Variants in TSC1 observed in about 807,000 individuals in gnomAD.
TSC1 encodes TSC complex subunit 1.
In TSC1, 20 loss-of-function variants were observed where a neutral mutation model predicts 124.3. The observed-to-expected ratio is 0.16, with a 90% CI of 0.11 to 0.23. The LOEUF is 0.23. Among genes scored for constraint, TSC1 ranks in the 10% least tolerant of loss-of-function variants. The probability of loss-of-function intolerance (pLI) is 1.00; values close to 1 mark genes in which losing one functional copy is unlikely to be tolerated. For synonymous variants in TSC1, 493 were observed against 539.1 expected (o/e 0.91, Z 1.19); for missense variants, 1,124 against 1,448.5 (o/e 0.78, Z 3.64).
In TSC1 at chr9:132,928,764, A is replaced by G. The variant is rs1847030488; in HGVS notation, c.106+3T>C. 1.2e-6 allele frequency: 2 copies of G among 1,614,096 alleles called. No homozygotes were observed. The highest frequency in any genetic ancestry group is 1.7e-6 in the Non-Finnish European group (2 of 1,180,010). ...AAGCTAAAAAGGATATTATTTTGCT[A>G]ACCAGAATTGAGGTTCTCTTTAAAG... On this transcript the variant is annotated splice_donor_region_variant and intron_variant, in intron 3 of 22. Transcript: ENST00000298552.
At position 132,923,448 on chromosome 9, in the gene TSC1, C is replaced by G. The variant is rs1416137360; in HGVS notation, c.408G>C (p.Leu136Phe). 1 of 1,614,150 alleles carries G rather than the reference C, an allele frequency of 6.2e-7. No individual in the cohort carries two copies. The highest frequency in any genetic ancestry group is 1.1e-5 in the South Asian group (1 of 91,084). The change falls in exon 6 of 23, where the codon TTG becomes TTC. Residue 136 changes from leucine to phenylalanine, a missense_variant. Leu to Phe is a conservative substitution (Grantham distance 22). This residue lies in a region of TSC1 where 463 missense variants were observed against 606.8 expected (regional missense o/e 0.76). Transcript: ENST00000298552. This position sits in a 1 kb window ranked among gnomAD's most constrained non-coding sequence, Gnocchi z 4.2. ...GTGGAATCATTGGTAGCATGGTTAT[C>G]AACACCAAGACGCCTGTTGTGAGGA... ...VVVLTTGVLV[L>F]ITMLPMIPQS... is the part of the protein sequence containing the mutation.
At chr9:132,900,683 C>A in intron 20 of TSC1, 32 bp downstream of exon 20, 1 of 1,613,336 alleles carries the variant, frequency 6.2e-7, no homozygotes, top group South Asian at 1.1e-5. Flanking sequence ...ACGCTTTCCC[C>A]ACTAAGGTCT....
chr9:132,912,247 T>C (rs377400768), intron 9 of TSC1, 35 bp downstream of exon 9: 18 of 1,611,502 alleles, frequency 1.1e-5, no homozygotes, highest in African/African-American at 6.7e-5. Flanking sequence ...AGAGACAAAG[T>C]TGCAAAACAG....
rs1184046485 is a variant in TSC1 at position 132,923,068 on chromosome 9, T to C, written c.508+280A>G. On this transcript the variant is annotated intron_variant, in intron 6 of 22. Transcript: ENST00000298552. The surrounding 1 kb of genome is among the most constrained non-coding windows in gnomAD (Gnocchi z 4.2). Reference sequence around the variant, plus strand: ...CTGCAATACAGACGGAGGCTGTTTTTCAGTTTATCAACAATCATAAAGTTT... The same window carrying C: ...CTGCAATACAGACGGAGGCTGTTTTCCAGTTTATCAACAATCATAAAGTTT... 6.6e-6 allele frequency among the ~76,000 whole-genome samples: 1 copy of C among 152,198 alleles called. No individual in the cohort carries two copies. Among genetic ancestry groups the C allele is most frequent in the Non-Finnish European group, 1.5e-5 (1 of 68,042 alleles).
intron 1 of TSC1, among the ~76,000 whole-genome samples, chr9:132,939,683 C>A (rs377723943): frequency 6.6e-6 from 1 of 152,196 alleles, no homozygotes; most frequent in African/African-American, 2.4e-5. Flanking sequence ...AAAGACACTA[C>A]GCAGAGCTTC....
At chr9:132,934,946 T>C (rs1847379452) in intron 2 of TSC1, 87 bp downstream of exon 2, 2 of 398,616 alleles carry the variant, frequency 5.0e-6, no homozygotes, top group South Asian at 1.3e-4. Flanking sequence ...TAGCTAAAAC[T>C]GTAAATGTTA....
chr9:132,904,462 G>T lies in TSC1; in HGVS notation c.1998-8C>A, dbSNP rs1845549145. 1 of 1,613,904 alleles carries T rather than the reference G, an allele frequency of 6.2e-7. No individual in the cohort carries two copies. Among genetic ancestry groups the T allele is most frequent in the East Asian group, 2.2e-5 (1 of 44,882 alleles). On this transcript the variant is annotated splice_region_variant and splice_polypyrimidine_tract_variant and intron_variant, in intron 15 of 22. Transcript: ENST00000298552. ...TTGCTGGGTAAAGGCAACCTAGGAA[G>T]AAAGTTTTTGAGTAACAAAGTTACC...
intron 8 of TSC1, among the ~76,000 whole-genome samples, chr9:132,919,708 C>A (rs947766177): frequency 6.6e-6 from 1 of 152,102 alleles, no homozygotes; most frequent in Non-Finnish European, 1.5e-5. Context: ...AGGAGAGAGG[C>A]GAAGGAAAGC....
At chr9:132,913,928 T>G (rs1846124433) in intron 8 of TSC1, among the ~76,000 whole-genome samples, 1 of 116,850 alleles carries the variant, frequency 8.6e-6, no homozygotes. Flanking sequence ...AGACAGAGTC[T>G]CACTCTGTCA....
chr9:132,918,299 A>C (rs1846369802), intron 8 of TSC1, among the ~76,000 whole-genome samples: 1 of 152,232 alleles, frequency 6.6e-6, no homozygotes, highest in Non-Finnish European at 1.5e-5. Context: ...GTGAAGAGTC[A>C]ACTGATTATA....
chr9:132,903,524 G>A lies in TSC1; in HGVS notation c.2208+127C>T, dbSNP rs373821458. ...CACCATTCATGTCTTAATCTCAAGCGACCTGCCCAAAGGAGTGGGAAGGAC... is the reference window on the plus strand; with the variant it reads ...CACCATTCATGTCTTAATCTCAAGCAACCTGCCCAAAGGAGTGGGAAGGAC... On this transcript the variant is annotated intron_variant, in intron 17 of 22. Transcript: ENST00000298552. The surrounding 1 kb of genome is among the most constrained non-coding windows in gnomAD (Gnocchi z 5.9). The A allele has an allele frequency of 8.0e-6, 11 of 1,368,564 alleles. No individual in the cohort carries two copies. Among genetic ancestry groups the A allele is most frequent in the East Asian group, 4.6e-5 (2 of 43,618 alleles). The allele number at this position is 1,368,564 out of a possible 1,614,324, so 84.8% of individuals were successfully genotyped here.
At chr9:132,898,539 T>C (rs145164295) in intron 20 of TSC1, among the ~76,000 whole-genome samples, 71 of 152,318 alleles carry the variant, frequency 4.7e-4, no homozygotes, top group East Asian at 1.4e-3. Flanking sequence ...ACGCAACTGA[T>C]TGAAACTCAG....
chr9:132,903,601 C>G lies in TSC1; in HGVS notation c.2208+50G>C. ...GTGCTTTATAAGCTATCATGCTGAC[C>G]CAAAACAAAACAAAAAGCAAGCTCC... On this transcript the variant is annotated intron_variant, in intron 17 of 22. Coordinates refer to ENST00000298552, the MANE Select transcript of TSC1 (RefSeq NM_000368.5). The surrounding 1 kb of genome is among the most constrained non-coding windows in gnomAD (Gnocchi z 5.9). 2 of 1,611,344 alleles carry G rather than the reference C, an allele frequency of 1.2e-6. No homozygotes were observed. Among genetic ancestry groups the G allele is most frequent in the Non-Finnish European group, 1.7e-6 (2 of 1,179,596 alleles).
chr9:132,917,381 C>T (rs1205612295), intron 8 of TSC1, among the ~76,000 whole-genome samples: 2 of 152,076 alleles, frequency 1.3e-5, no homozygotes, highest in African/African-American at 4.8e-5. Context: ...CCCAGGCTGG[C>T]GTGCAGTAGC....
intron 1 of TSC1, chr9:132,940,722 T>C (rs1044899781): frequency 2.6e-5 from 4 of 152,202 alleles, no homozygotes; most frequent in African/African-American, 9.7e-5. Flanking sequence ...TACCACAGTG[T>C]TTGGCACATG....
Position 132,921,482 on chromosome 9 carries a change from G to T in TSC1, c.664-46C>A. 1 of 1,591,320 alleles carries T rather than the reference G, an allele frequency of 6.3e-7. No individual in the cohort carries two copies. ...AATTATAAAGGGCTGAATGTTTGTG[G>T]AACATCCAAATGATGGAATATTAGT... On this transcript the variant is annotated intron_variant, in intron 7 of 22. Transcript: ENST00000298552. The surrounding 1 kb of genome is among the most constrained non-coding windows in gnomAD (Gnocchi z 4.3).
In TSC1 at chr9:132,905,944, G is replaced by A. The variant is rs1464618848; in HGVS notation, c.1634C>T (p.Pro545Leu). 1 of 1,614,036 alleles carries A rather than the reference G, an allele frequency of 6.2e-7. No homozygotes were observed. The highest frequency in any genetic ancestry group is 8.5e-7 in the Non-Finnish European group (1 of 1,179,898). Residue 545 changes from proline to leucine, a missense_variant, in exon 15 of 23, where the codon CCT becomes CTT. Coordinates refer to ENST00000298552, the MANE Select transcript of TSC1 (RefSeq NM_000368.5). ...PLHSSLDKLG[P>L]DTPKQAFTPI... ...AGTAAAGGCTTGCTTTGGTGTGTCA[G>A]GCCCAAGCTTGTCCAGGGAGGAGTG... is the stretch of plus-strand genomic sequence containing the variant.
At chr9:132,941,467 AATTAT>A (rs1433549740) in intron 1 of TSC1, 4 of 152,186 alleles carry the variant, frequency 2.6e-5, no homozygotes, top group Non-Finnish European at 5.9e-5. Context: ...ATGCTACCCA[AATTAT>A]ATTAGTTACC....
At chr9:132,910,435 A>C in intron 12 of TSC1, 136 bp downstream of exon 12, 3 of 1,525,730 alleles carry the variant, frequency 2.0e-6, no homozygotes, top group Non-Finnish European at 2.7e-6. Flanking sequence ...TTGTTAGTCC[A>C]TTTTCAATTA....
Sources: allele counts gnomAD v4.1 joint callset (sites outside exome capture counted in the v4.1 genomes callset), GRCh38; gene constraint gnomAD v4.1.1; regional missense constraint gnomAD v4.1.1; non-coding constraint Gnocchi (gnomAD v3.1); transcripts MANE v1.5; gene names NCBI Gene and HGNC (gene_info 2026-07-23, HGNC 2026-07-21).